The following RTN1 variants were observed in gnomAD, a reference collection of about 807,000 sequenced individuals.
RTN1 encodes reticulon-1.
RTN1 carries 25 observed loss-of-function variants against 65.5 expected under a neutral mutation model. The ratio of observed to expected loss-of-function variants is 0.38; its 90% confidence interval spans 0.28 to 0.53. RTN1 has a LOEUF of 0.53. RTN1 is among the 20% of genes least tolerant of loss of function. The probability of loss-of-function intolerance (pLI) is 0.79; values close to 1 mark genes in which losing one functional copy is unlikely to be tolerated. For missense variants in RTN1, 983 were observed against 1,025.4 expected (o/e 0.96, Z 0.57); for synonymous variants, 471 against 447.6 (o/e 1.05, Z -0.66).
chr14:59,819,412 CCA>C (rs374494000), intron 1 of RTN1, among the ~76,000 whole-genome samples: 1 of 13,398 alleles, frequency 7.5e-5, no homozygotes, highest in East Asian at 1.6e-3. Flanking sequence ...CACACCACCA[CCA>C]CCCCCCCCCC....
chr14:59,714,157 C>T (rs1322435767), intron 3 of RTN1, among the ~76,000 whole-genome samples: 1 of 151,704 alleles, frequency 6.6e-6, no homozygotes, highest in East Asian at 1.9e-4. Flanking sequence ...ATTGCTTGAA[C>T]CCAGGAGGCA....
intron 3 of RTN1, among the ~76,000 whole-genome samples, chr14:59,691,670 A>C (rs769114306): frequency 6.6e-6 from 1 of 152,198 alleles, no homozygotes. Context: ...ATAAACATAG[A>C]TGCAAAAATC....
At chr14:59,793,018 A>AT (rs1886377939) in intron 1 of RTN1, among the ~76,000 whole-genome samples, 1 of 152,142 alleles carries the variant, frequency 6.6e-6, no homozygotes, top group African/African-American at 2.4e-5. Context: ...TTAGCCTGAT[A>AT]TTTTTTAAAG....
At chr14:59,725,043 C>G (rs543564688) in intron 3 of RTN1, among the ~76,000 whole-genome samples, 2 of 152,300 alleles carry the variant, frequency 1.3e-5, no homozygotes, top group African/African-American at 4.8e-5. Flanking sequence ...TCTCTACCTT[C>G]TAAACTTGGC....
At chr14:59,796,737 C>A (rs1254231243) in intron 1 of RTN1, among the ~76,000 whole-genome samples, 1 of 152,188 alleles carries the variant, frequency 6.6e-6, no homozygotes, top group Non-Finnish European at 1.5e-5. Flanking sequence ...TTTACCCCAA[C>A]CTCTGTAAAC....
chr14:59,763,427 T>A lies in RTN1; in HGVS notation c.242-16946A>T, dbSNP rs567248466. 2.0e-5 allele frequency among the ~76,000 whole-genome samples: 3 copies of A among 152,338 alleles called. No individual in the cohort carries two copies. In the South Asian group the frequency reaches 6.2e-4, roughly 32 times the overall value. ...AGTCAGGAAACTACATCAAGATTTA[T>A]TTTCTTCTTTCTTTTCTTTTACCTC... On this transcript the variant is annotated intron_variant, in intron 1 of 8. Coordinates refer to ENST00000267484, the MANE Select transcript of RTN1 (RefSeq NM_021136.3).
intron 1 of RTN1, among the ~76,000 whole-genome samples, chr14:59,867,991 C>A (rs1887827497): frequency 6.6e-6 from 1 of 151,290 alleles, no homozygotes; most frequent in African/African-American, 2.4e-5. Context: ...GTTTATAAGC[C>A]AAAAAAAAGT....
At chr14:59,677,852 A>T (rs140563087) in intron 3 of RTN1, among the ~76,000 whole-genome samples, 191 of 152,280 alleles carry the variant, frequency 1.3e-3, no homozygotes, top group African/African-American at 4.4e-3. Flanking sequence ...CCAGTCATGA[A>T]AGGCAGTAAT....
intron 1 of RTN1, among the ~76,000 whole-genome samples, chr14:59,834,508 C>T: frequency 6.6e-6 from 1 of 151,786 alleles, no homozygotes; most frequent in East Asian, 1.9e-4. Context: ...TATTGAAACT[C>T]AATAATAAGA....
intron 1 of RTN1, among the ~76,000 whole-genome samples, chr14:59,819,771 G>A (rs1487672255): frequency 6.6e-6 from 1 of 152,164 alleles, no homozygotes; most frequent in Non-Finnish European, 1.5e-5. Context: ...GAGGCCTACA[G>A]TGCTGGGGGA....
At chr14:59,853,557 A>G (rs1887547509) in intron 1 of RTN1, among the ~76,000 whole-genome samples, 1 of 152,146 alleles carries the variant, frequency 6.6e-6, no homozygotes, top group South Asian at 2.1e-4. Context: ...CCCGGCATTC[A>G]GTGCACCCAG....
chr14:59,761,862 T>C (rs1428047247), intron 1 of RTN1, among the ~76,000 whole-genome samples: 1 of 152,118 alleles, frequency 6.6e-6, no homozygotes, highest in Non-Finnish European at 1.5e-5. Flanking sequence ...TGTGCCAGTG[T>C]TGGGAATTGA....
intron 1 of RTN1, among the ~76,000 whole-genome samples, chr14:59,840,214 G>GTGAA (rs1887286635): frequency 1.3e-5 from 2 of 152,228 alleles, no homozygotes; most frequent in South Asian, 4.1e-4. Flanking sequence ...TTTATTGATA[G>GTGAA]TGAAGTTGGA....
Position 59,857,749 on chromosome 14 carries a change from C to G in RTN1, c.241+12641G>C, listed in dbSNP as rs766467939. Among the ~76,000 whole-genome samples the G allele has an allele frequency of 3.3e-5, 5 of 152,222 alleles. No homozygotes were observed. The South Asian group carries it at 1.0e-3, about 31-fold the overall frequency. ...CTACTGTCAGACTAATCTTCCTTAA[C>G]ATAGCTCTGTGATATTACTTCCCTT... is the stretch of plus-strand genomic sequence containing the variant. On this transcript the variant is annotated intron_variant, in intron 1 of 8. Coordinates refer to ENST00000267484, the MANE Select transcript of RTN1 (RefSeq NM_021136.3).
intron 1 of RTN1, among the ~76,000 whole-genome samples, chr14:59,781,955 T>C (rs1886163215): frequency 6.6e-6 from 1 of 152,176 alleles, no homozygotes. Flanking sequence ...GTTGAAATCC[T>C]AATTCCCAAG....
intron 8 of RTN1, among the ~76,000 whole-genome samples, chr14:59,602,741 T>C (rs182956138): frequency 1.3e-5 from 2 of 152,326 alleles, no homozygotes; most frequent in Admixed American, 1.3e-4. Context: ...TTAATTTTAC[T>C]TTTTTGAATC....
At chr14:59,756,888 C>G (rs1175642524) in intron 1 of RTN1, among the ~76,000 whole-genome samples, 1 of 148,472 alleles carries the variant, frequency 6.7e-6, no homozygotes, top group Non-Finnish European at 1.5e-5. Context: ...GCAGTGGTAC[C>G]ATCATGACTC....
chr14:59,756,845 T>G (rs1044469600), intron 1 of RTN1, among the ~76,000 whole-genome samples: 1 of 139,734 alleles, frequency 7.2e-6, no homozygotes, highest in African/African-American at 3.1e-5. Context: ...TTTTTTGTTT[T>G]TTTTTTTTTG....
At chr14:59,709,851 C>T (rs1255321867) in intron 3 of RTN1, among the ~76,000 whole-genome samples, 2 of 152,162 alleles carry the variant, frequency 1.3e-5, no homozygotes, top group African/African-American at 4.8e-5. Context: ...ACGGGAAGAA[C>T]ATAACTGAAC....
Sources: gnomAD v4.1 joint callset for allele counts (sites outside exome capture counted in the v4.1 genomes callset) on GRCh38, gnomAD v4.1.1 for gene constraint, MANE v1.5 for transcripts, NCBI Gene and HGNC (gene_info 2026-07-23, HGNC 2026-07-21) for gene names.